SPAG16: variants seen among roughly 807,000 people sequenced by gnomAD.
The protein encoded by SPAG16 is sperm associated antigen 16.
In SPAG16, 86 loss-of-function variants were observed where a neutral mutation model predicts 80.4. That is an observed-to-expected ratio of 1.07 (90% confidence interval 0.90 to 1.28). The LOEUF is 1.28. Ranked by LOEUF, SPAG16 falls within the 50% of genes most tolerant of loss-of-function variation. The pLI is 0.00. For synonymous variants in SPAG16, 294 were observed against 265.9 expected (o/e 1.11, Z -1.03); for missense variants, 870 against 765.3 (o/e 1.14, Z -1.61).
intron 15 of SPAG16, among the ~76,000 whole-genome samples, chr2:214,348,800 G>A (rs1416848522): frequency 6.6e-6 from 1 of 152,140 alleles, no homozygotes; most frequent in Non-Finnish European, 1.5e-5. Flanking sequence ...CCAAATTGCT[G>A]ACCAACAATA....
intron 10 of SPAG16, among the ~76,000 whole-genome samples, chr2:213,524,549 C>G (rs574256894): frequency 1.3e-5 from 2 of 152,206 alleles, no homozygotes; most frequent in Non-Finnish European, 2.9e-5. Flanking sequence ...CCATGCAAAG[C>G]CACAGGGGTG....
At chr2:214,173,854 G>A (rs896889850) in intron 15 of SPAG16, among the ~76,000 whole-genome samples, 1 of 151,968 alleles carries the variant, frequency 6.6e-6, no homozygotes, top group Non-Finnish European at 1.5e-5. Context: ...GAATCCAGCA[G>A]CACATCAAAA....
chr2:213,458,647 T>C (rs1406997380), intron 9 of SPAG16, among the ~76,000 whole-genome samples: 2 of 152,208 alleles, frequency 1.3e-5, no homozygotes, highest in Non-Finnish European at 2.9e-5. Context: ...AAAAATGCCC[T>C]TATCTTCATT....
chr2:214,077,802 TAGTCAG>T (rs1366865351), intron 13 of SPAG16, among the ~76,000 whole-genome samples: 3 of 152,226 alleles, frequency 2.0e-5, no homozygotes, highest in Admixed American at 6.5e-5. Context: ...CTCCCAGGAT[TAGTCAG>T]AGTCATAGTT....
chr2:213,375,168 C>T, intron 9 of SPAG16, 49 bp downstream of exon 9: 1 of 1,283,174 alleles, frequency 7.8e-7, no homozygotes, highest in East Asian at 2.4e-5. Context: ...ACTCTCAGAT[C>T]TTTAGATCCA....
chr2:213,576,660 C>A (rs764859456), intron 10 of SPAG16, among the ~76,000 whole-genome samples: 2 of 152,110 alleles, frequency 1.3e-5, no homozygotes, highest in Non-Finnish European at 2.9e-5. Context: ...AGAATGAGAT[C>A]ATGTCCTTTG....
chr2:214,194,605 G>A (rs1264356357), intron 15 of SPAG16, among the ~76,000 whole-genome samples: 1 of 152,012 alleles, frequency 6.6e-6, no homozygotes, highest in Non-Finnish European at 1.5e-5. Context: ...CACAATAGAG[G>A]TTTGCTAGTC....
At chr2:213,926,809 A>C (rs1430286638) in intron 11 of SPAG16, among the ~76,000 whole-genome samples, 2 of 151,990 alleles carry the variant, frequency 1.3e-5, no homozygotes, top group Non-Finnish European at 2.9e-5. Context: ...CTTATTTCCC[A>C]TTATGTGTTT....
intron 10 of SPAG16, among the ~76,000 whole-genome samples, chr2:213,675,368 G>A (rs1311399584): frequency 6.6e-6 from 1 of 152,124 alleles, no homozygotes; most frequent in Non-Finnish European, 1.5e-5. Context: ...TTCTTTTGCT[G>A]TGCAGAAGCT....
At chr2:213,966,992 G>C (rs981362422) in intron 12 of SPAG16, among the ~76,000 whole-genome samples, 1 of 152,176 alleles carries the variant, frequency 6.6e-6, no homozygotes, top group African/African-American at 2.4e-5. Flanking sequence ...AGCTCTGAGA[G>C]AGATTCAGTC....
intron 10 of SPAG16, among the ~76,000 whole-genome samples, chr2:213,534,122 T>A (rs933740674): frequency 6.6e-6 from 1 of 152,162 alleles, no homozygotes; most frequent in Admixed American, 6.6e-5. Flanking sequence ...GATCATTCCT[T>A]TAGCACATTT....
intron 15 of SPAG16, among the ~76,000 whole-genome samples, chr2:214,225,298 G>A (rs1301811072): frequency 6.6e-6 from 1 of 152,116 alleles, no homozygotes; most frequent in Non-Finnish European, 1.5e-5. Flanking sequence ...AGTGAGGTAG[G>A]AATTCATTGG....
chr2:213,395,269 G>T (rs1243262418), intron 9 of SPAG16, among the ~76,000 whole-genome samples: 1 of 151,754 alleles, frequency 6.6e-6, no homozygotes, highest in Non-Finnish European at 1.5e-5. Flanking sequence ...CTAGCTTTGG[G>T]TTTATTATGT....
At chr2:214,287,152 A>G (rs1693425092) in intron 15 of SPAG16, among the ~76,000 whole-genome samples, 1 of 152,210 alleles carries the variant, frequency 6.6e-6, no homozygotes, top group African/African-American at 2.4e-5. Flanking sequence ...ATAATCATGC[A>G]TGGCCTGTTA....
intron 10 of SPAG16, among the ~76,000 whole-genome samples, chr2:213,648,501 A>G (rs2062906275): frequency 1.3e-5 from 2 of 152,176 alleles, no homozygotes; most frequent in African/African-American, 2.4e-5. Context: ...TGACTTTTAT[A>G]CAAATTCATT....
chr2:213,889,150 G>T (rs1351045278), intron 11 of SPAG16, among the ~76,000 whole-genome samples: 1 of 151,572 alleles, frequency 6.6e-6, no homozygotes, highest in Admixed American at 6.6e-5. Context: ...TCAGTAAATG[G>T]CACTTTAAGA....
chr2:213,856,361 C>T (rs2075168178), intron 10 of SPAG16, among the ~76,000 whole-genome samples: 1 of 152,174 alleles, frequency 6.6e-6, no homozygotes, highest in African/African-American at 2.4e-5. Flanking sequence ...GTGTCTGTAG[C>T]TTTTCCAGGT....
At chr2:213,954,814 G>T (rs980144119) in intron 12 of SPAG16, among the ~76,000 whole-genome samples, 20 of 152,164 alleles carry the variant, frequency 1.3e-4, no homozygotes, top group Admixed American at 3.9e-4. Flanking sequence ...GCTAACACTT[G>T]TTATTATCTA....
chr2:214,134,197 A>C (rs2054927802), intron 14 of SPAG16, among the ~76,000 whole-genome samples: 1 of 152,152 alleles, frequency 6.6e-6, no homozygotes, highest in Non-Finnish European at 1.5e-5. Flanking sequence ...TCCTGATTTC[A>C]TATATGAAAA....
Sources: allele counts gnomAD v4.1 joint callset (sites outside exome capture counted in the v4.1 genomes callset), GRCh38; gene constraint gnomAD v4.1.1; transcripts MANE v1.5; gene names NCBI Gene and HGNC (gene_info 2026-07-23, HGNC 2026-07-21).